Variants in PTPRD observed in about 807,000 individuals in gnomAD.
PTPRD encodes the protein receptor-type tyrosine-protein phosphatase delta.
In PTPRD, 34 loss-of-function variants were observed where a neutral mutation model predicts 214.5. That is an observed-to-expected ratio of 0.16 (90% CI 0.12 to 0.21). PTPRD has a LOEUF of 0.21. Among genes scored for constraint, PTPRD ranks in the 10% least tolerant of loss-of-function variants. The pLI is 1.00. For missense variants in PTPRD, 2,545 were observed against 2,398.7 expected (o/e 1.06, Z -1.27); for synonymous variants, 1,128 against 845.7 (o/e 1.33, Z -5.79).
intron 3 of PTPRD, among the ~76,000 whole-genome samples, chr9:10,076,911 T>G (rs1235551932): frequency 6.6e-6 from 1 of 152,168 alleles, no homozygotes; most frequent in East Asian, 1.9e-4. Context: ...GAGTAGATGT[T>G]GCAGCACCAA....
At chr9:10,451,678 T>A (rs555889238) in intron 2 of PTPRD, among the ~76,000 whole-genome samples, 1 of 150,660 alleles carries the variant, frequency 6.6e-6, no homozygotes, top group African/African-American at 2.5e-5. Flanking sequence ...AGTGTTCTTA[T>A]CCTTGTTATA....
At position 10,556,527 on chromosome 9, in the gene PTPRD, C is replaced by T. The variant is rs192247813; in HGVS notation, c.-600+55871G>A. 8.7e-4 allele frequency among the ~76,000 whole-genome samples: 132 copies of T among 152,126 alleles called. 1 individual carries two copies. The highest frequency in any genetic ancestry group is 3.0e-3 in the African/African-American group (126 of 41,544). On this transcript the variant is annotated intron_variant, in intron 2 of 45. Coordinates refer to ENST00000381196, the MANE Select transcript of PTPRD (RefSeq NM_002839.4). ...TACTGAGAGTCACGTGGTGATACAA[C>T]GTAATTAAAGAAAGGCCCTCAAAAG...
At chr9:8,581,196 A>T (rs1215481696) in intron 14 of PTPRD, among the ~76,000 whole-genome samples, 2 of 141,916 alleles carry the variant, frequency 1.4e-5, no homozygotes, top group Non-Finnish European at 3.0e-5. Context: ...AATATATTAT[A>T]AAAAAAAAAT....
chr9:8,679,912 T>C (rs975654085), intron 12 of PTPRD, among the ~76,000 whole-genome samples: 6 of 152,214 alleles, frequency 3.9e-5, no homozygotes, highest in Non-Finnish European at 8.8e-5. Flanking sequence ...TAATTCTAAT[T>C]ACCAATATCT....
chr9:9,072,217 G>C (rs1048199738), intron 10 of PTPRD, among the ~76,000 whole-genome samples: 3 of 150,648 alleles, frequency 2.0e-5, no homozygotes, highest in African/African-American at 7.3e-5. Context: ...ATACCAAAAA[G>C]CTTAGTAGGG....
intron 2 of PTPRD, among the ~76,000 whole-genome samples, chr9:10,394,986 C>T (rs145339709): frequency 4.8e-4 from 65 of 135,000 alleles, no homozygotes; most frequent in African/African-American, 1.7e-3. Flanking sequence ...AGTCAGCTGT[C>T]AGTAACACTG....
intron 5 of PTPRD, among the ~76,000 whole-genome samples, chr9:9,919,851 A>G (rs2082051468): frequency 6.6e-6 from 1 of 152,144 alleles, no homozygotes; most frequent in Non-Finnish European, 1.5e-5. Flanking sequence ...ATGTCTTACT[A>G]AGCTGCTGCC....
intron 5 of PTPRD, among the ~76,000 whole-genome samples, chr9:9,840,707 G>A (rs1363467171): frequency 7.8e-6 from 1 of 128,500 alleles, no homozygotes; most frequent in East Asian, 2.5e-4. Flanking sequence ...AGCTTGCATT[G>A]AGCCAAGATG....
chr9:10,442,875 T>C (rs1482779407), intron 2 of PTPRD, among the ~76,000 whole-genome samples: 3 of 151,516 alleles, frequency 2.0e-5, no homozygotes, highest in African/African-American at 7.3e-5. Flanking sequence ...AGCCACCCTA[T>C]CATGTTTCTT....
intron 11 of PTPRD, among the ~76,000 whole-genome samples, chr9:8,839,672 G>C (rs1478015802): frequency 6.6e-6 from 1 of 152,078 alleles, no homozygotes; most frequent in African/African-American, 2.4e-5. Flanking sequence ...AGCATAATCA[G>C]CATACTTCTA....
chr9:9,696,021 T>C (rs983291399), intron 7 of PTPRD, among the ~76,000 whole-genome samples: 18 of 152,150 alleles, frequency 1.2e-4, no homozygotes, highest in African/African-American at 4.3e-4. Flanking sequence ...CATTAGGTCC[T>C]GGGCTCTTTT....
intron 4 of PTPRD, among the ~76,000 whole-genome samples, chr9:9,980,494 G>A (rs996646465): frequency 1.3e-5 from 2 of 151,470 alleles, no homozygotes; most frequent in Admixed American, 6.6e-5. Context: ...TGTAGTCCCA[G>A]CTACTTCGGA....
intron 2 of PTPRD, among the ~76,000 whole-genome samples, chr9:10,584,191 AAAAG>A (rs914651826): frequency 3.3e-5 from 5 of 151,792 alleles, no homozygotes; most frequent in Non-Finnish European, 7.4e-5. Context: ...ACAAAAAAAA[AAAAG>A]AAAGAAAAAA....
At chr9:10,181,025 T>C (rs937353219) in intron 3 of PTPRD, among the ~76,000 whole-genome samples, 1 of 152,100 alleles carries the variant, frequency 6.6e-6, no homozygotes, top group Non-Finnish European at 1.5e-5. Flanking sequence ...CTACCACTCC[T>C]ACTGTGTAGC....
At chr9:8,832,772 G>A (rs2097324407) in intron 11 of PTPRD, among the ~76,000 whole-genome samples, 1 of 147,942 alleles carries the variant, frequency 6.8e-6, no homozygotes, top group Non-Finnish European at 1.5e-5. Flanking sequence ...TCTCTAAATT[G>A]GAGTTCTCTC....
chr9:8,440,314 G>A (rs879452449), intron 34 of PTPRD, among the ~76,000 whole-genome samples: 5 of 126,216 alleles, frequency 4.0e-5, no homozygotes, highest in Non-Finnish European at 6.6e-5. Flanking sequence ...CAATAGAAAT[G>A]TATTATTTTT....
chr9:10,251,766 A>G (rs574151149), intron 3 of PTPRD, among the ~76,000 whole-genome samples: 1 of 152,282 alleles, frequency 6.6e-6, no homozygotes, highest in Admixed American at 6.5e-5. Flanking sequence ...TGACCTTGCA[A>G]CTTCTCCATA....
chr9:10,165,627 A>G (rs1271516136), intron 3 of PTPRD, among the ~76,000 whole-genome samples: 3 of 151,808 alleles, frequency 2.0e-5, no homozygotes, highest in African/African-American at 4.8e-5. Context: ...TCAAATTAAG[A>G]ATAAATCATG....
intron 10 of PTPRD, among the ~76,000 whole-genome samples, chr9:9,033,498 T>A (rs374909): frequency 0.32 from 48,624 of 151,718 alleles, 8,313 homozygotes; most frequent in Non-Finnish European, 0.37. Flanking sequence ...ATACAAATAT[T>A]AAATGCAAGG....
Sources: allele counts gnomAD v4.1 joint callset (sites outside exome capture counted in the v4.1 genomes callset), GRCh38; gene constraint gnomAD v4.1.1; transcripts MANE v1.5; gene names NCBI Gene and HGNC (gene_info 2026-07-23, HGNC 2026-07-21).